Variants in UMAD1 observed in about 807,000 individuals in gnomAD.
The protein encoded by UMAD1 is UBAP1-MVB12-associated (UMA) domain containing 1, also known as UBAP1-MVB12-associated (UMA)-domain containing protein 1.
A neutral mutation model predicts 6.1 loss-of-function variants in UMAD1; 8 were observed. The ratio of observed to expected loss-of-function variants is 1.30; its 90% CI spans 0.76 to 2.35. UMAD1 has a LOEUF of 2.35. Among genes scored for constraint, UMAD1 ranks in the 30% most tolerant of loss-of-function variants. The pLI, the probability that UMAD1 is intolerant of heterozygous loss-of-function variation, is 0.00. For synonymous variants in UMAD1, 56 were observed against 31.4 expected, an observed-to-expected ratio of 1.78 and a Z score of -2.61; for missense variants, 130 against 78.4, an observed-to-expected ratio of 1.66 and a Z score of -2.49.
chr7:7,845,499 A>G (rs866343880), intron 3 of UMAD1, among the ~76,000 whole-genome samples: 1 of 152,094 alleles, frequency 6.6e-6, no homozygotes, highest in East Asian at 1.9e-4. Context: ...TTTAAATGTT[A>G]AGACTAGTGC....
intron 2 of UMAD1, among the ~76,000 whole-genome samples, chr7:7,780,454 C>G (rs546124706): frequency 1.3e-5 from 2 of 152,266 alleles, no homozygotes; most frequent in Admixed American, 1.3e-4. Flanking sequence ...ATATTAGGGA[C>G]TTTCTTTTTC....
chr7:7,833,091 A>G (rs925087248), intron 3 of UMAD1, among the ~76,000 whole-genome samples: 1 of 152,154 alleles, frequency 6.6e-6, no homozygotes, highest in East Asian at 1.9e-4. Flanking sequence ...TTGGGACCAC[A>G]GTGTGGAGGG....
In UMAD1 at chr7:7,850,628, A is replaced by G. The variant is rs73674545; in HGVS notation, c.157-26653A>G. Among the ~76,000 whole-genome samples, 410 of 152,226 alleles carry G rather than the reference A, an allele frequency of 2.7e-3. 1 individual carries two copies. Among genetic ancestry groups the G allele is most frequent in the African/African-American group, 9.4e-3 (389 of 41,566 alleles). ...ACTTATTATTTTAATTATTTCTGGTATATAATCAGTCAAAACAATATAAGT... is the reference window on the plus strand; with the variant it reads ...ACTTATTATTTTAATTATTTCTGGTGTATAATCAGTCAAAACAATATAAGT... On this transcript the variant is annotated intron_variant, in intron 3 of 3. Coordinates refer to ENST00000682710, the MANE Select transcript of UMAD1 (RefSeq NM_001302348.2).
intron 3 of UMAD1, among the ~76,000 whole-genome samples, chr7:7,806,462 A>T (rs1782915647): frequency 6.6e-6 from 1 of 152,198 alleles, no homozygotes; most frequent in South Asian, 2.1e-4. Context: ...AATTAGCTTT[A>T]TGACCTCAGC....
chr7:7,693,410 A>C (rs1780228336), intron 2 of UMAD1, among the ~76,000 whole-genome samples: 1 of 152,042 alleles, frequency 6.6e-6, no homozygotes, highest in Admixed American at 6.6e-5. Context: ...TTCATTCTGC[A>C]ATAGCTTAGT....
intron 2 of UMAD1, among the ~76,000 whole-genome samples, chr7:7,778,226 TTGTGTGTGTGTGTGTGTGTGTGTGTG>T (rs61647575): frequency 8.7e-5 from 11 of 126,460 alleles, no homozygotes; most frequent in South Asian, 2.8e-4. Flanking sequence ...AAAACTGGTT[TTGTGTGTGTGTGTGTGTGTGTGTGTG>T]TGTGTGTGTG....
At chr7:7,759,680 A>G (rs967033077) in intron 2 of UMAD1, among the ~76,000 whole-genome samples, 2 of 152,212 alleles carry the variant, frequency 1.3e-5, no homozygotes, top group Non-Finnish European at 2.9e-5. Flanking sequence ...AGGAAGGGAA[A>G]TTTAAGCTGG....
At chr7:7,750,151 G>A (rs1015357679) in intron 2 of UMAD1, among the ~76,000 whole-genome samples, 1 of 152,088 alleles carries the variant, frequency 6.6e-6, no homozygotes, top group African/African-American at 2.4e-5. Context: ...CTACATATTA[G>A]CTCTTTATAT....
chr7:7,845,651 A>T (rs1783769736), intron 3 of UMAD1, among the ~76,000 whole-genome samples: 1 of 152,130 alleles, frequency 6.6e-6, no homozygotes, highest in African/African-American at 2.4e-5. Flanking sequence ...TGTTTGTTTC[A>T]TAAATTTGAA....
intron 2 of UMAD1, among the ~76,000 whole-genome samples, chr7:7,745,742 C>G (rs1040455310): frequency 1.3e-5 from 2 of 152,190 alleles, no homozygotes; most frequent in African/African-American, 4.8e-5. Flanking sequence ...ACTTCGTGGT[C>G]TGTAAAAAGT....
intron 2 of UMAD1, among the ~76,000 whole-genome samples, chr7:7,714,430 T>A (rs528455272): frequency 7.6e-4 from 116 of 152,368 alleles, no homozygotes; most frequent in African/African-American, 2.6e-3. Context: ...TAAGAGGTTG[T>A]ACTTAAACAT....
At chr7:7,664,946 C>G (rs1779400175) in intron 1 of UMAD1, among the ~76,000 whole-genome samples, 1 of 152,084 alleles carries the variant, frequency 6.6e-6, no homozygotes, top group Non-Finnish European at 1.5e-5. Context: ...TTTTTCAGCA[C>G]TGTGAAATTT....
At chr7:7,766,586 G>A (rs763766879) in intron 2 of UMAD1, among the ~76,000 whole-genome samples, 1 of 152,092 alleles carries the variant, frequency 6.6e-6, no homozygotes, top group Admixed American at 6.6e-5. Flanking sequence ...AAAACTTACA[G>A]CCCTCTTTAG....
At chr7:7,790,499 C>T (rs552219859) in intron 2 of UMAD1, among the ~76,000 whole-genome samples, 11 of 152,292 alleles carry the variant, frequency 7.2e-5, no homozygotes, top group African/African-American at 2.6e-4. Context: ...TGGATTCAGG[C>T]CCATTCAGGC....
chr7:7,766,721 T>C (rs563845227), intron 2 of UMAD1, among the ~76,000 whole-genome samples: 131 of 152,354 alleles, frequency 8.6e-4, no homozygotes, highest in Non-Finnish European at 1.5e-3. Context: ...TACCTAGTAT[T>C]CATTTTTTCA....
chr7:7,676,803 A>T (rs1308071072), intron 2 of UMAD1, among the ~76,000 whole-genome samples: 1 of 152,184 alleles, frequency 6.6e-6, no homozygotes, highest in African/African-American at 2.4e-5. Flanking sequence ...GTGGTGAAGA[A>T]CTTAACTGAA....
At chr7:7,818,147 C>T (rs868275204) in intron 3 of UMAD1, among the ~76,000 whole-genome samples, 12 of 152,238 alleles carry the variant, frequency 7.9e-5, no homozygotes, top group Middle Eastern at 3.4e-3. Flanking sequence ...TCCCACCTTC[C>T]ACCCTCTGAT....
intron 2 of UMAD1, among the ~76,000 whole-genome samples, chr7:7,798,859 G>A (rs1029148576): frequency 1.3e-5 from 2 of 152,170 alleles, no homozygotes; most frequent in South Asian, 2.1e-4. Context: ...TTGGGGGTGG[G>A]CAGAGTTATC....
At chr7:7,801,093 C>G (rs1397567838) in intron 2 of UMAD1, among the ~76,000 whole-genome samples, 1 of 152,204 alleles carries the variant, frequency 6.6e-6, no homozygotes, top group Non-Finnish European at 1.5e-5. Context: ...TACTCACCAA[C>G]TTCATTTAGT....
Sources: allele counts gnomAD v4.1 joint callset (sites outside exome capture counted in the v4.1 genomes callset), GRCh38; gene constraint gnomAD v4.1.1; transcripts MANE v1.5; gene names NCBI Gene and HGNC (gene_info 2026-07-23, HGNC 2026-07-21).